The following APBA1 variants were observed in gnomAD, a reference collection of about 807,000 sequenced individuals.
APBA1 encodes amyloid-beta A4 precursor protein-binding family A member 1.
Under a neutral mutation model 86.6 loss-of-function variants are expected in APBA1, and 55 were observed. That is an observed-to-expected ratio of 0.64 (90% CI 0.51 to 0.80). The LOEUF (loss-of-function observed/expected upper bound fraction) is 0.80, where lower values mean the gene tolerates loss of function less well. Among genes scored for constraint, APBA1 ranks in the 30% least tolerant of loss-of-function variants. The probability of loss-of-function intolerance (pLI) is 0.00; values close to 1 mark genes in which losing one functional copy is unlikely to be tolerated. For synonymous variants in APBA1, 511 were observed against 493.9 expected, an observed-to-expected ratio of 1.03 and a Z score of -0.46; for missense variants, 1,090 against 1,183.0, an observed-to-expected ratio of 0.92 and a Z score of 1.15.
At chr9:69,565,928 G>C (rs1242031109) in intron 1 of APBA1, among the ~76,000 whole-genome samples, 1 of 152,212 alleles carries the variant, frequency 6.6e-6, no homozygotes, top group Non-Finnish European at 1.5e-5. Flanking sequence ...ACGGCTCTCA[G>C]AGTGAGGAGC....
intron 1 of APBA1, among the ~76,000 whole-genome samples, chr9:69,659,916 C>T (rs1564105569): frequency 6.6e-6 from 1 of 152,176 alleles, no homozygotes. Context: ...TTAATTGTTC[C>T]TTTCCTTAAC....
At chr9:69,584,376 T>C (rs1275363195) in intron 1 of APBA1, among the ~76,000 whole-genome samples, 4 of 152,218 alleles carry the variant, frequency 2.6e-5, no homozygotes, top group Non-Finnish European at 5.9e-5. Flanking sequence ...ATTAAGCCTA[T>C]GAAGCAGTCA....
Position 69,653,436 on chromosome 9 carries a change from T to C in APBA1, c.-70+18717A>G, listed in dbSNP as rs141616905. Among the ~76,000 whole-genome samples, 351 of 152,304 alleles carry C rather than the reference T, an allele frequency of 2.3e-3. 1 individual carries two copies. The highest frequency in any genetic ancestry group is 2.4e-3 in the Non-Finnish European group (165 of 68,030). On this transcript the variant is annotated intron_variant, in intron 1 of 12. Transcript: ENST00000265381. ...TAAATCAACAGAGAAACATCAGAGT[T>C]AAGCTGCACTCTAGGCCAAATGGAC...
chr9:69,499,796 T>TA (rs1026685980), intron 2 of APBA1, among the ~76,000 whole-genome samples: 1,502 of 145,314 alleles, frequency 0.01, 31 homozygotes, highest in African/African-American at 0.034. Flanking sequence ...TTCTTGAAAT[T>TA]AAAAAAAAAA....
chr9:69,634,837 A>G (rs566202553), intron 1 of APBA1, among the ~76,000 whole-genome samples: 1 of 8,466 alleles, frequency 1.2e-4, no homozygotes, highest in South Asian at 0.1. Flanking sequence ...TAAAGTGCAG[A>G]AGGAAAAAAA....
intron 1 of APBA1, among the ~76,000 whole-genome samples, chr9:69,657,370 T>C (rs111753859): frequency 7.0e-4 from 107 of 152,368 alleles, no homozygotes; most frequent in Admixed American, 3.2e-3. Context: ...CTGCCAGTTA[T>C]TACTTAGGTT....
At chr9:69,666,519 T>C (rs1260204908) in intron 1 of APBA1, among the ~76,000 whole-genome samples, 1 of 152,138 alleles carries the variant, frequency 6.6e-6, no homozygotes, top group African/African-American at 2.4e-5. Flanking sequence ...AGTTCTGTGA[T>C]ATTAAGGACA....
chr9:69,441,816 T>C (rs965055396), intron 10 of APBA1, among the ~76,000 whole-genome samples: 9 of 152,180 alleles, frequency 5.9e-5, no homozygotes, highest in African/African-American at 2.2e-4. Flanking sequence ...GACACACCTC[T>C]CCCTCTAAAT....
chr9:69,588,465 G>C (rs1160722885), intron 1 of APBA1, among the ~76,000 whole-genome samples: 1 of 151,956 alleles, frequency 6.6e-6, no homozygotes, highest in Non-Finnish European at 1.5e-5. Flanking sequence ...AAGAAAAAGG[G>C]AGGAAATCAA....
chr9:69,511,621 C>T (rs924689109), intron 2 of APBA1, among the ~76,000 whole-genome samples: 24 of 151,822 alleles, frequency 1.6e-4, no homozygotes, highest in Non-Finnish European at 3.2e-4. Flanking sequence ...GACACATGCA[C>T]ACGTATGTTT....
Position 69,431,388 on chromosome 9 carries a change from T to C in APBA1, c.2453A>G (p.Lys818Arg). ...LSNAVGEIHM[K>R]TMPAAMYRLL... ...CCTGTACATCGCGGCTGGCATTGTCTTCATATGAATCTGAGGGTAAAGAAC... is the reference window on the plus strand; with the variant it reads ...CCTGTACATCGCGGCTGGCATTGTCCTCATATGAATCTGAGGGTAAAGAAC... Residue 818 changes from lysine to arginine, a missense_variant, in exon 13 of 13, where the codon AAG (lysine) becomes AGG (arginine). Lys to Arg is a conservative substitution (Grantham distance 26). Around this residue, in one of 6 missense-constraint regions of APBA1, gnomAD observed 17 missense variants for 30.3 expected, o/e 0.56. Coordinates refer to ENST00000265381, the MANE Select transcript of APBA1 (RefSeq NM_001163.4). 5 of 1,613,290 alleles carry C rather than the reference T, an allele frequency of 3.1e-6. No individual in the cohort carries two copies. The highest frequency in any genetic ancestry group is 4.2e-6 in the Non-Finnish European group (5 of 1,179,630).
chr9:69,532,700 T>A (rs1443629100), intron 1 of APBA1, among the ~76,000 whole-genome samples: 9 of 152,158 alleles, frequency 5.9e-5, no homozygotes, highest in Admixed American at 3.3e-4. Context: ...GCAGCCTGCT[T>A]CAGTGTACAA....
intron 6 of APBA1, among the ~76,000 whole-genome samples, chr9:69,457,675 C>T (rs1012723537): frequency 6.6e-6 from 1 of 152,172 alleles, no homozygotes; most frequent in Admixed American, 6.5e-5. Flanking sequence ...AGCCCCAATG[C>T]CTCAACGTCC....
At chr9:69,476,677 C>T (rs1050313999) in intron 2 of APBA1, among the ~76,000 whole-genome samples, 8 of 152,310 alleles carry the variant, frequency 5.3e-5, no homozygotes, top group Non-Finnish European at 1.0e-4. Flanking sequence ...ATTTAGTCTA[C>T]AGGCTATTGA....
In APBA1 at chr9:69,504,841, C is replaced by G. The variant is rs142726868; in HGVS notation, c.1200+11170G>C. 5.5e-3 allele frequency among the ~76,000 whole-genome samples: 842 copies of G among 152,164 alleles called. 13 individuals are homozygous for G. Among genetic ancestry groups the G allele is most frequent in the African/African-American group, 0.019 (802 of 41,498 alleles). ...TCACCCTTTCCTTACAGAAGCCTCCCATCTTCTGCGGGGAGGAGGAGTCGC... is the reference window on the plus strand; with the variant it reads ...TCACCCTTTCCTTACAGAAGCCTCCGATCTTCTGCGGGGAGGAGGAGTCGC... On this transcript the variant is annotated intron_variant, in intron 2 of 12. Transcript: ENST00000265381.
At chr9:69,617,027 TAC>T (rs144629405) in intron 1 of APBA1, among the ~76,000 whole-genome samples, 4 of 151,540 alleles carry the variant, frequency 2.6e-5, no homozygotes, top group African/African-American at 7.3e-5. Flanking sequence ...ATTGTAACCT[TAC>T]ACACACACAC....
At chr9:69,544,558 T>C (rs541342628) in intron 1 of APBA1, among the ~76,000 whole-genome samples, 10 of 152,352 alleles carry the variant, frequency 6.6e-5, no homozygotes, top group Non-Finnish European at 1.0e-4. Flanking sequence ...TCACTACTCA[T>C]ACAGACTTTT....
chr9:69,661,069 C>A (rs1206103487), intron 1 of APBA1, among the ~76,000 whole-genome samples: 1 of 152,044 alleles, frequency 6.6e-6, no homozygotes, highest in South Asian at 2.1e-4. Context: ...TTTTGTGAAG[C>A]AAAAATGATA....
intron 1 of APBA1, among the ~76,000 whole-genome samples, chr9:69,588,956 CT>C (rs201821953): frequency 0.012 from 1,862 of 152,094 alleles, 37 homozygotes; most frequent in African/African-American, 0.042. Flanking sequence ...TCTTCTCATG[CT>C]TTTTTGTTTG....
Sources: allele counts gnomAD v4.1 joint callset (sites outside exome capture counted in the v4.1 genomes callset), GRCh38; gene constraint gnomAD v4.1.1; regional missense constraint gnomAD v4.1.1; transcripts MANE v1.5; gene names NCBI Gene and HGNC (gene_info 2026-07-23, HGNC 2026-07-21).